The following COL22A1 variants were observed in gnomAD, a reference collection of about 807,000 sequenced individuals.
The protein encoded by COL22A1 is collagen type XXII alpha 1 chain.
COL22A1 carries 221 observed loss-of-function variants against 248.9 expected under a neutral mutation model. That is an observed-to-expected ratio of 0.89 (90% confidence interval 0.80 to 0.99). COL22A1 has a LOEUF of 0.99. COL22A1 is among the 50% of genes least tolerant of loss of function. The pLI is 0.00. For missense variants in COL22A1, 2,240 were observed against 2,179.0 expected (o/e 1.03, Z -0.56); for synonymous variants, 891 against 793.4 (o/e 1.12, Z -2.07).
chr8:138,609,678 C>G (rs7006875), intron 56 of COL22A1, among the ~76,000 whole-genome samples: 2 of 152,206 alleles, frequency 1.3e-5, no homozygotes, highest in Non-Finnish European at 2.9e-5. Flanking sequence ...AATTCTAGCC[C>G]TCCTCCTTCT....
intron 15 of COL22A1, among the ~76,000 whole-genome samples, chr8:138,776,351 C>T (rs1814457921): frequency 6.6e-6 from 1 of 152,138 alleles, no homozygotes; most frequent in African/African-American, 2.4e-5. Flanking sequence ...AAAGTCAGTT[C>T]CCCCCAAGAC....
chr8:138,728,383 C>T (rs907477244), intron 23 of COL22A1, among the ~76,000 whole-genome samples: 4 of 152,058 alleles, frequency 2.6e-5, no homozygotes, highest in African/African-American at 4.8e-5. Flanking sequence ...AGAGCATATC[C>T]GAAGGCCCTT....
rs559844082 is a variant in COL22A1, at chr8:138,602,084, C to T, written c.4185+31G>A. On this transcript the variant is annotated intron_variant, in intron 60 of 64. Coordinates refer to ENST00000303045, the MANE Select transcript of COL22A1 (RefSeq NM_152888.3). ...GCCACTGTGCAAAGGTCGCGTTCGGCGTGTTCAAGGTGCCTGTGCTCTCCA... is the reference window on the plus strand; with the variant it reads ...GCCACTGTGCAAAGGTCGCGTTCGGTGTGTTCAAGGTGCCTGTGCTCTCCA... 49 of 1,613,624 alleles carry T rather than the reference C, an allele frequency of 3.0e-5. 1 individual carries two copies. The South Asian group carries it at 4.1e-4, about 13-fold the overall frequency.
chr8:138,783,452 G>C (rs1278665227), intron 12 of COL22A1, among the ~76,000 whole-genome samples: 1 of 152,060 alleles, frequency 6.6e-6, no homozygotes, highest in African/African-American at 2.4e-5. Context: ...ATCCAGCATG[G>C]GAGAAAGATG....
At chr8:138,603,093 T>C (rs1469710706) in intron 59 of COL22A1, among the ~76,000 whole-genome samples, 1 of 152,202 alleles carries the variant, frequency 6.6e-6, no homozygotes, top group Non-Finnish European at 1.5e-5. Context: ...GAGAGTACTC[T>C]TGAGCTCTTC....
chr8:138,701,335 G>T (rs1259010467), intron 31 of COL22A1, among the ~76,000 whole-genome samples: 1 of 152,060 alleles, frequency 6.6e-6, no homozygotes, highest in African/African-American at 2.4e-5. Flanking sequence ...TCTGATCCAT[G>T]CAGATGCCTG....
chr8:138,690,599 C>T (rs1250246102), intron 36 of COL22A1, among the ~76,000 whole-genome samples: 1 of 152,090 alleles, frequency 6.6e-6, no homozygotes, highest in Non-Finnish European at 1.5e-5. Context: ...TCTGCAGATG[C>T]CAACAGCTGC....
rs200816628 is a variant in COL22A1, at chr8:138,821,317, C to G, written c.1064G>C (p.Arg355Pro). 63 of 1,614,132 alleles carry G rather than the reference C, an allele frequency of 3.9e-5. No homozygotes were observed. The highest frequency in any genetic ancestry group is 2.5e-4 in the Admixed American group (15 of 60,010). Residue 355 changes from arginine (R) to proline (P), a missense_variant, in exon 7 of 65, where the codon CGG (arginine) becomes CCG (proline). Coordinates refer to ENST00000303045, the MANE Select transcript of COL22A1 (RefSeq NM_152888.3). ...DAVRVVFRGS[R>P]VNDLFDRDWH... ...GTCCCGGTCAAAGAGGTCATTGACCCGAGAACCTCGGAAGACCACCCTGAC... is the reference window on the plus strand; with the variant it reads ...GTCCCGGTCAAAGAGGTCATTGACCGGAGAACCTCGGAAGACCACCCTGAC...
chr8:138,597,283 C>G (rs1300956768), intron 61 of COL22A1, among the ~76,000 whole-genome samples: 1 of 152,176 alleles, frequency 6.6e-6, no homozygotes, highest in African/African-American at 2.4e-5. Flanking sequence ...TAATTCCACT[C>G]ATATTCCCTT....
intron 8 of COL22A1, 98 bp from the exon 9 acceptor site, chr8:138,812,019 C>T (rs1818280757): frequency 7.3e-7 from 1 of 1,378,736 alleles, no homozygotes; most frequent in Non-Finnish European, 9.7e-7. Flanking sequence ...AACCAGGCAG[C>T]CAAAGGTTGA....
intron 3 of COL22A1, among the ~76,000 whole-genome samples, chr8:138,870,794 G>T (rs1175972653): frequency 6.6e-6 from 1 of 150,558 alleles, no homozygotes; most frequent in Non-Finnish European, 1.5e-5. Flanking sequence ...GTGTAGTGTG[G>T]AGAGTGTGTG....
chr8:138,823,985 G>C (rs71532178), intron 6 of COL22A1, among the ~76,000 whole-genome samples: 1 of 152,076 alleles, frequency 6.6e-6, no homozygotes, highest in Non-Finnish European at 1.5e-5. Context: ...ACACAACCTG[G>C]GTCTTCTGGT....
At position 138,899,685 on chromosome 8, in the gene COL22A1, G is replaced by C. The variant is rs534921240; in HGVS notation, c.-73+13934C>G. Among the ~76,000 whole-genome samples, 758 of 152,000 alleles carry C rather than the reference G, an allele frequency of 5.0e-3. 2 individuals are homozygous for C. The highest frequency in any genetic ancestry group is 9.0e-3 in the Non-Finnish European group (615 of 67,968). The stretch of plus-strand genomic sequence containing the variant: ...ATTACAGGCATGCGCCACCATGCCC[G>C]GCTAATTTTTGTATTTTTAGTAGAG... On this transcript the variant is annotated intron_variant, in intron 1 of 64. Transcript: ENST00000303045.
intron 58 of COL22A1, among the ~76,000 whole-genome samples, chr8:138,605,807 C>A (rs4909809): frequency 6.6e-6 from 1 of 152,048 alleles, no homozygotes; most frequent in Non-Finnish European, 1.5e-5. Context: ...CAGCTTCCCC[C>A]TGCCTTAAGC....
intron 30 of COL22A1, among the ~76,000 whole-genome samples, chr8:138,706,425 A>AT (rs1170674176): frequency 6.6e-6 from 1 of 152,232 alleles, no homozygotes; most frequent in Non-Finnish European, 1.5e-5. Context: ...AACAGAAATT[A>AT]TAACAAACTG....
At chr8:138,880,556 G>A (rs916765905) in intron 2 of COL22A1, among the ~76,000 whole-genome samples, 8 of 152,090 alleles carry the variant, frequency 5.3e-5, no homozygotes, top group Non-Finnish European at 8.8e-5. Context: ...TATGTGACCC[G>A]AGCCAATGCC....
intron 53 of COL22A1, 138 bp from the exon 54 acceptor site, chr8:138,617,096 T>C: frequency 2.3e-6 from 2 of 859,720 alleles, no homozygotes; most frequent in Non-Finnish European, 3.8e-6. Flanking sequence ...GAGCCCTACT[T>C]GGTGCCATGC....
intron 2 of COL22A1, among the ~76,000 whole-genome samples, chr8:138,881,628 T>C (rs1322313008): frequency 6.6e-6 from 1 of 152,214 alleles, no homozygotes; most frequent in East Asian, 1.9e-4. Flanking sequence ...GAGCTTGCAG[T>C]GAGCCGAGAT....
At chr8:138,874,363 T>C (rs182407054) in intron 3 of COL22A1, among the ~76,000 whole-genome samples, 22 of 152,328 alleles carry the variant, frequency 1.4e-4, no homozygotes, top group African/African-American at 5.3e-4. Context: ...CCCTTTCTCT[T>C]GGTAACAGCT....
Sources: gnomAD v4.1 joint callset for allele counts (sites outside exome capture counted in the v4.1 genomes callset) on GRCh38, gnomAD v4.1.1 for gene constraint, MANE v1.5 for transcripts, NCBI Gene and HGNC (gene_info 2026-07-23, HGNC 2026-07-21) for gene names.